The following NIM1K variants were observed in gnomAD, a reference collection of about 807,000 sequenced individuals.
NIM1K encodes NIM1 serine/threonine protein kinase, also known as serine/threonine-protein kinase NIM1.
In NIM1K, 35 loss-of-function variants were observed where a neutral mutation model predicts 37.1. The observed-to-expected ratio is 0.94, with a 90% confidence interval of 0.72 to 1.25. The LOEUF is 1.25. Among genes scored for constraint, NIM1K ranks in the 50% most tolerant of loss-of-function variants. The probability of loss-of-function intolerance (pLI) is 0.00; values close to 1 mark genes in which losing one functional copy is unlikely to be tolerated. For synonymous variants in NIM1K, 234 were observed against 206.6 expected (o/e 1.13, Z -1.14); for missense variants, 564 against 548.0 (o/e 1.03, Z -0.29).
At chr5:43,240,763 C>T (rs943895627) in intron 1 of NIM1K, among the ~76,000 whole-genome samples, 8 of 151,786 alleles carry the variant, frequency 5.3e-5, no homozygotes, top group Admixed American at 3.9e-4. Flanking sequence ...TCTCGAACTC[C>T]TGACCTCAAA....
chr5:43,266,338 G>A (rs961389395), intron 2 of NIM1K, among the ~76,000 whole-genome samples: 10 of 152,222 alleles, frequency 6.6e-5, no homozygotes, highest in Non-Finnish European at 1.0e-4. Context: ...CCCTCCACCA[G>A]CCTCATTGCC....
chr5:43,267,212 A>G (rs887443845), intron 2 of NIM1K, among the ~76,000 whole-genome samples: 2 of 152,120 alleles, frequency 1.3e-5, no homozygotes, highest in Admixed American at 1.3e-4. Flanking sequence ...CCAGGAATTT[A>G]TCCATTTCTT....
chr5:43,238,789 G>A (rs999375613), intron 1 of NIM1K, among the ~76,000 whole-genome samples: 1 of 151,666 alleles, frequency 6.6e-6, no homozygotes, highest in African/African-American at 2.4e-5. Context: ...CAACCTCGAG[G>A]TTTTTATGTT....
rs530316121 is a variant in NIM1K at position 43,267,137 on chromosome 5, C to T, written c.293-9920C>T. On this transcript the variant is annotated intron_variant, in intron 2 of 3. Coordinates refer to ENST00000326035, the MANE Select transcript of NIM1K (RefSeq NM_153361.4). ...AAATTTTACTTAGTCAGTCTCACTG[C>T]TTGTTATCTGGTCTGCTCAGGATTT... is the stretch of plus-strand genomic sequence containing the variant. 2.6e-5 allele frequency among the ~76,000 whole-genome samples: 4 copies of T among 152,272 alleles called. No individual in the cohort carries two copies. The South Asian group carries it at 8.3e-4, about 32-fold the overall frequency.
At chr5:43,271,402 A>G (rs1467742636) in intron 2 of NIM1K, among the ~76,000 whole-genome samples, 2 of 152,098 alleles carry the variant, frequency 1.3e-5, no homozygotes, top group Non-Finnish European at 2.9e-5. Flanking sequence ...ACTTCCTTTT[A>G]TATTTATTTG....
chr5:43,196,201 GA>G (rs1322354665), intron 1 of NIM1K, among the ~76,000 whole-genome samples: 5 of 152,008 alleles, frequency 3.3e-5, no homozygotes, highest in Non-Finnish European at 7.4e-5. Context: ...CTATTTGTTG[GA>G]ATTATCTAGT....
intron 1 of NIM1K, among the ~76,000 whole-genome samples, chr5:43,196,888 T>A (rs1462839042): frequency 6.9e-6 from 1 of 144,626 alleles, no homozygotes; most frequent in Non-Finnish European, 1.5e-5. Flanking sequence ...TCCTTCCCCC[T>A]CAACCTCTTG....
In NIM1K at chr5:43,269,549, C is replaced by G. The variant is rs193218337; in HGVS notation, c.293-7508C>G. ...AATATTAACATTGAGATGTAAGGTA[C>G]GATTCTCCTCATCATGTTGATTATT... On this transcript the variant is annotated intron_variant, in intron 2 of 3. Transcript: ENST00000326035. Among the ~76,000 whole-genome samples the G allele has an allele frequency of 1.5e-4, 23 of 151,592 alleles. No homozygotes were observed. In the East Asian group the frequency reaches 4.3e-3, roughly 28 times the overall value.
chr5:43,276,104 A>C (rs919980067), intron 2 of NIM1K, among the ~76,000 whole-genome samples: 2 of 152,146 alleles, frequency 1.3e-5, no homozygotes, highest in Admixed American at 1.3e-4. Context: ...CATGTTGGCC[A>C]GGCTGGTCTC....
intron 1 of NIM1K, chr5:43,207,711 TG>T (rs1160412195): frequency 3.2e-5 from 16 of 500,202 alleles, no homozygotes; most frequent in Non-Finnish European, 4.6e-5. Flanking sequence ...AGTTGCTCTA[TG>T]AAGAATTGTT....
intron 1 of NIM1K, among the ~76,000 whole-genome samples, chr5:43,220,916 G>A (rs1384948976): frequency 6.6e-6 from 1 of 152,164 alleles, no homozygotes; most frequent in Non-Finnish European, 1.5e-5. Flanking sequence ...AGTAAGCATA[G>A]GGCGGTCATG....
At chr5:43,278,448 T>C (rs1468369618) in intron 3 of NIM1K, among the ~76,000 whole-genome samples, 2 of 152,238 alleles carry the variant, frequency 1.3e-5, no homozygotes, top group Non-Finnish European at 2.9e-5. Context: ...TTTTGCTGCC[T>C]CCTTAATTTT....
intron 1 of NIM1K, chr5:43,232,185 C>T: frequency 1.0e-6 from 1 of 983,378 alleles, no homozygotes; most frequent in Non-Finnish European, 1.6e-6. Context: ...GCAATGGCAG[C>T]ATTGACGTCT....
chr5:43,265,288 C>A (rs1443970473), intron 2 of NIM1K, among the ~76,000 whole-genome samples: 1 of 152,126 alleles, frequency 6.6e-6, no homozygotes. Flanking sequence ...TCATATAGTC[C>A]CATATTTCTT....
intron 2 of NIM1K, among the ~76,000 whole-genome samples, chr5:43,269,775 C>G (rs202002040): frequency 6.6e-6 from 1 of 152,022 alleles, no homozygotes; most frequent in South Asian, 2.1e-4. Context: ...CCCGCCACTA[C>G]GCCTGGCTAA....
chr5:43,251,757 C>CA, intron 2 of NIM1K, among the ~76,000 whole-genome samples: 1 of 152,222 alleles, frequency 6.6e-6, no homozygotes, highest in South Asian at 2.1e-4. Context: ...ATATCATGGC[C>CA]AAAAATGGTT....
intron 1 of NIM1K, among the ~76,000 whole-genome samples, chr5:43,204,729 G>C (rs1184476412): frequency 7.1e-6 from 1 of 141,438 alleles, no homozygotes; most frequent in East Asian, 2.1e-4. Flanking sequence ...AGTCACAGCT[G>C]GGTGTGGTGG....
intron 1 of NIM1K, among the ~76,000 whole-genome samples, chr5:43,216,510 A>C (rs911835598): frequency 1.3e-5 from 2 of 152,214 alleles, no homozygotes; most frequent in African/African-American, 4.8e-5. Flanking sequence ...AAAGATACAG[A>C]AATATTGGCA....
chr5:43,260,610 C>T (rs1054316349), intron 2 of NIM1K, among the ~76,000 whole-genome samples: 2 of 151,776 alleles, frequency 1.3e-5, no homozygotes, highest in African/African-American at 4.8e-5. Context: ...AGAGAGAGCA[C>T]AGATTTTTTT....
Sources: allele counts gnomAD v4.1 joint callset (sites outside exome capture counted in the v4.1 genomes callset), GRCh38; gene constraint gnomAD v4.1.1; transcripts MANE v1.5; gene names NCBI Gene and HGNC (gene_info 2026-07-23, HGNC 2026-07-21).